ASCC3: variants seen among roughly 807,000 people sequenced by gnomAD.
The protein encoded by ASCC3 is ASC-1 complex subunit P200.
Under a neutral mutation model 256.3 loss-of-function variants are expected in ASCC3, and 158 were observed. The ratio of observed to expected loss-of-function variants is 0.62; its 90% CI spans 0.54 to 0.70. The LOEUF is 0.70. ASCC3 is among the 30% of genes least tolerant of loss of function. The pLI, the probability that ASCC3 is intolerant of heterozygous loss-of-function variation, is 0.00. For synonymous variants in ASCC3, 948 were observed against 883.4 expected (o/e 1.07, Z -1.30); for missense variants, 2,259 against 2,626.0 (o/e 0.86, Z 3.05).
intron 10 of ASCC3, among the ~76,000 whole-genome samples, chr6:100,748,833 C>A (rs1160997249): frequency 2.0e-5 from 3 of 151,810 alleles, no homozygotes; most frequent in Non-Finnish European, 2.9e-5. Flanking sequence ...ACCTGGAGCG[C>A]CAAGAAGTGG....
intron 13 of ASCC3, among the ~76,000 whole-genome samples, chr6:100,683,961 A>G (rs926075050): frequency 1.2e-4 from 18 of 151,640 alleles, no homozygotes; most frequent in African/African-American, 2.6e-4. Context: ...CATACTTGGG[A>G]AAAAAAAGTA....
At chr6:100,578,798 G>A (rs1456339327) in intron 36 of ASCC3, among the ~76,000 whole-genome samples, 1 of 151,936 alleles carries the variant, frequency 6.6e-6, no homozygotes, top group East Asian at 1.9e-4. Context: ...TGGATTGCTG[G>A]GTCAAATGGT....
At chr6:100,711,019 ATG>A (rs1265325339) in intron 13 of ASCC3, among the ~76,000 whole-genome samples, 1 of 152,160 alleles carries the variant, frequency 6.6e-6, no homozygotes, top group Non-Finnish European at 1.5e-5. Flanking sequence ...ATGTTTATTT[ATG>A]TGTTTATACA....
chr6:100,808,476 G>A (rs1770299074), intron 4 of ASCC3, among the ~76,000 whole-genome samples: 1 of 151,910 alleles, frequency 6.6e-6, no homozygotes, highest in Non-Finnish European at 1.5e-5. Flanking sequence ...TTTTCTAACT[G>A]TGTATCTATG....
intron 11 of ASCC3, among the ~76,000 whole-genome samples, chr6:100,723,857 GAAT>G (rs1779459389): frequency 1.3e-5 from 1 of 74,432 alleles, no homozygotes; most frequent in Admixed American, 2.1e-4. Flanking sequence ...AGTTATTAGG[GAAT>G]TATATATATA....
chr6:100,655,271 T>G lies in ASCC3; in HGVS notation c.2823+428A>C, dbSNP rs1303324725. Among the ~76,000 whole-genome samples, 7 of 152,030 alleles carry G rather than the reference T, an allele frequency of 4.6e-5. No individual in the cohort carries two copies. In the East Asian group the frequency reaches 1.3e-3, roughly 29 times the overall value. On this transcript the variant is annotated intron_variant, in intron 17 of 41. Transcript: ENST00000369162. ...CTCAAACTGTTAAGATAGTAACTCC[T>G]TAATGGTATATTTAAATTTCAGAAT...
intron 13 of ASCC3, among the ~76,000 whole-genome samples, chr6:100,697,414 CACA>C (rs1778144792): frequency 2.1e-5 from 2 of 95,518 alleles, no homozygotes; most frequent in East Asian, 8.6e-4. Flanking sequence ...TACTGAGACA[CACA>C]AAAAAAAAGA....
intron 13 of ASCC3, among the ~76,000 whole-genome samples, chr6:100,681,191 C>T (rs239190): frequency 0.56 from 85,520 of 151,868 alleles, 24,297 homozygotes; most frequent in East Asian, 0.72. Flanking sequence ...ATAACTAATA[C>T]TATTTTAGGT....
intron 14 of ASCC3, among the ~76,000 whole-genome samples, chr6:100,669,069 T>G (rs1250971581): frequency 6.6e-6 from 1 of 151,316 alleles, no homozygotes; most frequent in Non-Finnish European, 1.5e-5. Flanking sequence ...GAAAACTGAG[T>G]ACTGACTAAA....
In ASCC3 at chr6:100,589,592, C is replaced by T. The variant is rs369971817; in HGVS notation, c.5550+42G>A. On this transcript the variant is annotated intron_variant, in intron 36 of 41. Coordinates refer to ENST00000369162, the MANE Select transcript of ASCC3 (RefSeq NM_006828.4). Reference sequence around the variant, plus strand: ...CAAACTAGGTGGCAAAACTTTAAGCCCTAAATTAAAAGAGAAGATATGAAA... The same window carrying T: ...CAAACTAGGTGGCAAAACTTTAAGCTCTAAATTAAAAGAGAAGATATGAAA... The T allele has an allele frequency of 1.9e-5, 31 of 1,609,760 alleles. No individual in the cohort carries two copies. In the African/African-American group the frequency reaches 4.0e-4, roughly 21 times the overall value.
intron 10 of ASCC3, among the ~76,000 whole-genome samples, chr6:100,759,713 A>G (rs10223467): frequency 0.55 from 83,513 of 151,968 alleles, 23,314 homozygotes; most frequent in South Asian, 0.75. Flanking sequence ...GTAGACTGAT[A>G]GGAATAGCAT....
At chr6:100,674,126 T>G (rs886429832) in intron 14 of ASCC3, among the ~76,000 whole-genome samples, 4 of 152,126 alleles carry the variant, frequency 2.6e-5, no homozygotes, top group African/African-American at 9.7e-5. Flanking sequence ...AATAAGACCC[T>G]TGGCTTGGCT....
chr6:100,514,126 A>C (rs1342057017), intron 39 of ASCC3, among the ~76,000 whole-genome samples: 2 of 152,174 alleles, frequency 1.3e-5, no homozygotes, highest in Non-Finnish European at 1.5e-5. Context: ...AATTCAATGC[A>C]AATTTTCAAT....
intron 36 of ASCC3, among the ~76,000 whole-genome samples, chr6:100,581,559 T>A (rs1451006597): frequency 6.6e-6 from 1 of 150,800 alleles, no homozygotes; most frequent in Non-Finnish European, 1.5e-5. Context: ...TGGTAGTTTC[T>A]TTTGCTGTGC....
Position 100,531,132 on chromosome 6 carries a change from T to G in ASCC3, c.5775+9031A>C, listed in dbSNP as rs541574046. 37 of 869,904 alleles carry G rather than the reference T, an allele frequency of 4.3e-5. No homozygotes were observed. The African/African-American group carries it at 5.1e-4, about 12-fold the overall frequency. The allele number at this position is 869,904 out of a possible 1,614,324, so 53.9% of individuals were successfully genotyped here. A position where few individuals can be genotyped will look rare whatever the true frequency, so the allele number is the denominator to read the frequency against. ...ATTGCACAATTTCTGCTGGCTGGACTGAACTAAAGATCAATTCTCACAATT... is the reference window on the plus strand; with the variant it reads ...ATTGCACAATTTCTGCTGGCTGGACGGAACTAAAGATCAATTCTCACAATT... On this transcript the variant is annotated intron_variant, in intron 37 of 41. Coordinates refer to ENST00000369162, the MANE Select transcript of ASCC3 (RefSeq NM_006828.4).
At chr6:100,510,726 T>A (rs1773717817) in intron 40 of ASCC3, among the ~76,000 whole-genome samples, 1 of 152,218 alleles carries the variant, frequency 6.6e-6, no homozygotes, top group Non-Finnish European at 1.5e-5. Context: ...AATATATTAA[T>A]CACCACAATC....
chr6:100,603,581 G>T (rs1282043148), intron 33 of ASCC3, among the ~76,000 whole-genome samples: 1 of 152,010 alleles, frequency 6.6e-6, no homozygotes, highest in African/African-American at 2.4e-5. Flanking sequence ...GTTTGATATA[G>T]ATTTTTTGTA....
chr6:100,723,271 T>C lies in ASCC3; in HGVS notation c.1902+2268A>G, dbSNP rs562408234. Among the ~76,000 whole-genome samples the C allele has an allele frequency of 5.9e-5, 9 of 151,914 alleles. No individual in the cohort carries two copies. The South Asian group carries it at 1.7e-3, about 28-fold the overall frequency. The stretch of plus-strand genomic sequence containing the variant: ...AACAAGTTGTTTTATGTGTTGCAAA[T>C]AATTTATTTGGTCTCACATTTAAAA... On this transcript the variant is annotated intron_variant, in intron 11 of 41. Transcript: ENST00000369162.
chr6:100,864,887 CT>C (rs1458898679), intron 2 of ASCC3, among the ~76,000 whole-genome samples: 7 of 152,152 alleles, frequency 4.6e-5, no homozygotes, highest in African/African-American at 1.7e-4. Context: ...AATCTTTCCA[CT>C]CTCAAGAACT....
Sources: allele counts gnomAD v4.1 joint callset (sites outside exome capture counted in the v4.1 genomes callset), GRCh38; gene constraint gnomAD v4.1.1; transcripts MANE v1.5; gene names NCBI Gene and HGNC (gene_info 2026-07-23, HGNC 2026-07-21).